The following EEIG2 variants were observed in gnomAD, a reference collection of about 807,000 sequenced individuals.
EEIG2 encodes the protein family with sequence similarity 102 member B.
At chr1:108,567,478 A>G in the EEIG2 span, among the ~76,000 whole-genome samples, 1 of 152,254 alleles carries the variant, frequency 6.6e-6, no homozygotes, top group Non-Finnish European at 1.5e-5. Flanking sequence ...GAGGCATTCT[A>G]GCTCCAAGGA....
At chr1:108,576,152 T>A in the EEIG2 span, among the ~76,000 whole-genome samples, 1 of 152,188 alleles carries the variant, frequency 6.6e-6, no homozygotes, top group Non-Finnish European at 1.5e-5. Flanking sequence ...TGGCTCCTAA[T>A]AAAGCTTTCT....
At chr1:108,593,284 A>C in the EEIG2 span, among the ~76,000 whole-genome samples, 1 of 152,224 alleles carries the variant, frequency 6.6e-6, no homozygotes, top group Non-Finnish European at 1.5e-5. Flanking sequence ...TCCTGAGGGT[A>C]ACCTCGAGGT....
At chr1:108,626,671 C>G in the EEIG2 span, 4 of 152,186 alleles carry the variant, frequency 2.6e-5, no homozygotes. Context: ...TTCTTAAAGC[C>G]ACTGAACTGT....
At chr1:108,600,837 G>A in the EEIG2 span, 9 of 684,340 alleles carry the variant, frequency 1.3e-5, no homozygotes, top group South Asian at 2.1e-4. Context: ...AAAATACCAT[G>A]GCAAATATGA....
chr1:108,597,516 A>C, the EEIG2 span, among the ~76,000 whole-genome samples: 2 of 152,172 alleles, frequency 1.3e-5, no homozygotes, highest in Non-Finnish European at 2.9e-5. Flanking sequence ...CAGTCTGACT[A>C]TTTCCAAAAC....
At chr1:108,615,703 C>T in the EEIG2 span, among the ~76,000 whole-genome samples, 1 of 151,782 alleles carries the variant, frequency 6.6e-6, no homozygotes, top group Non-Finnish European at 1.5e-5. Flanking sequence ...GATCATGAGC[C>T]CAGGAGTTTA....
the EEIG2 span, among the ~76,000 whole-genome samples, chr1:108,565,928 A>G: frequency 1.3e-5 from 2 of 152,180 alleles, no homozygotes; most frequent in Non-Finnish European, 2.9e-5. Flanking sequence ...ATTGCCCATA[A>G]ATGAACCACC....
the EEIG2 span, chr1:108,612,385 CAG>C: frequency 1.2e-6 from 1 of 855,282 alleles, no homozygotes. Context: ...AGATGTGAAT[CAG>C]TGCTGATATG....
At chr1:108,627,454 C>A in the EEIG2 span, 5 of 152,204 alleles carry the variant, frequency 3.3e-5, no homozygotes, top group African/African-American at 1.2e-4. Context: ...AAAATGGTCA[C>A]AGTTCTGCAT....
At chr1:108,585,023 T>C in the EEIG2 span, among the ~76,000 whole-genome samples, 21,309 of 152,142 alleles carry the variant, frequency 0.14, 2,265 homozygotes, top group African/African-American at 0.3. Flanking sequence ...TTATAATTTC[T>C]GTTAATAGAA....
At chr1:108,624,289 G>A in the EEIG2 span, among the ~76,000 whole-genome samples, 5 of 152,100 alleles carry the variant, frequency 3.3e-5, no homozygotes, top group Non-Finnish European at 7.4e-5. Context: ...ATTCAAAAGG[G>A]CTTGGCACTG....
the EEIG2 span, chr1:108,628,762 A>T: frequency 6.2e-7 from 1 of 1,613,396 alleles, no homozygotes; most frequent in Non-Finnish European, 8.5e-7. Flanking sequence ...TGTAGAGAAA[A>T]TATTACAAAG....
chr1:108,637,142 G>T, the EEIG2 span: 2 of 152,078 alleles, frequency 1.3e-5, no homozygotes, highest in African/African-American at 4.8e-5. Flanking sequence ...AAATGGTACA[G>T]AATTCTTTTT....
chr1:108,588,106 A>G, the EEIG2 span, among the ~76,000 whole-genome samples: 1 of 152,028 alleles, frequency 6.6e-6, no homozygotes, highest in Non-Finnish European at 1.5e-5. Flanking sequence ...TTATCCATTC[A>G]TCTGTTGATG....
chr1:108,586,566 G>A, the EEIG2 span, among the ~76,000 whole-genome samples: 11 of 152,050 alleles, frequency 7.2e-5, no homozygotes, highest in Non-Finnish European at 1.0e-4. Flanking sequence ...TTTTTACCAT[G>A]TGGGTGAGGC....
the EEIG2 span, among the ~76,000 whole-genome samples, chr1:108,609,352 C>A: frequency 6.6e-6 from 1 of 152,104 alleles, no homozygotes; most frequent in South Asian, 2.1e-4. Flanking sequence ...AGACAATATG[C>A]AAATATGAAA....
the EEIG2 span, chr1:108,606,286 TG>T: frequency 2.7e-6 from 4 of 1,469,710 alleles, no homozygotes; most frequent in South Asian, 1.4e-5. Flanking sequence ...TTTTGGAACA[TG>T]TAATGTTGCT....
At chr1:108,625,736 A>G in the EEIG2 span, 1 of 131,314 alleles carries the variant, frequency 7.6e-6, no homozygotes, top group African/African-American at 3.1e-5. Flanking sequence ...CTCTTCCCCC[A>G]CTCTGCCCCA....
the EEIG2 span, among the ~76,000 whole-genome samples, chr1:108,598,259 A>G: frequency 2.1e-5 from 3 of 146,276 alleles, 1 homozygote; most frequent in South Asian, 6.6e-4. Context: ...GCTTGAGCCC[A>G]GGAGGCGGAG....
Sources: gnomAD v4.1 joint callset for allele counts (sites outside exome capture counted in the v4.1 genomes callset) on GRCh38, gnomAD v4.1.1 for gene constraint, MANE v1.5 for transcripts, NCBI Gene and HGNC (gene_info 2026-07-23, HGNC 2026-07-21) for gene names.